AUTS2: variants seen among roughly 807,000 people sequenced by gnomAD.
AUTS2 encodes the protein autism susceptibility gene 2 protein.
AUTS2 carries 17 observed loss-of-function variants against 112.4 expected under a neutral mutation model. The ratio of observed to expected loss-of-function variants is 0.15; its 90% CI spans 0.10 to 0.23. The LOEUF (loss-of-function observed/expected upper bound fraction) is 0.23, where lower values mean the gene tolerates loss of function less well. Among genes scored for constraint, AUTS2 ranks in the 10% least tolerant of loss-of-function variants. The pLI is 1.00. For missense variants in AUTS2, 1,510 were observed against 1,701.6 expected, an observed-to-expected ratio of 0.89 and a Z score of 1.98; for synonymous variants, 751 against 702.7, an observed-to-expected ratio of 1.07 and a Z score of -1.09.
chr7:70,467,833 T>G lies in AUTS2; in HGVS notation c.690+32052T>G, dbSNP rs4718954. Among the ~76,000 whole-genome samples, 952 of 152,332 alleles carry G rather than the reference T, an allele frequency of 6.2e-3. 38 individuals carry two copies. Among genetic ancestry groups the G allele is most frequent in the Admixed American group, 0.049 (749 of 15,292 alleles). On this transcript the variant is annotated intron_variant, in intron 5 of 18. Coordinates refer to ENST00000342771, the MANE Select transcript of AUTS2 (RefSeq NM_015570.4). ...TGTGGTCCGAAGCCAGCACCTCTGA[T>G]AGATTCTTGACATGTGCTGGGCATT... is the stretch of plus-strand genomic sequence containing the variant.
At chr7:70,610,292 C>T (rs1804019195) in intron 5 of AUTS2, among the ~76,000 whole-genome samples, 1 of 152,110 alleles carries the variant, frequency 6.6e-6, no homozygotes, top group Admixed American at 6.6e-5. Context: ...AGCCACCACA[C>T]CCAACCCATA....
At chr7:70,134,646 A>C (rs1044479139) in intron 4 of AUTS2, 75 bp downstream of exon 4, 1 of 1,342,146 alleles carries the variant, frequency 7.5e-7, no homozygotes. Flanking sequence ...GCTCATTGGG[A>C]TATGAAAAAA....
intron 5 of AUTS2, among the ~76,000 whole-genome samples, chr7:70,549,218 C>T (rs537008814): frequency 3.3e-5 from 5 of 152,192 alleles, no homozygotes; most frequent in Non-Finnish European, 7.4e-5. Context: ...GGTCTTCTAT[C>T]GTATGACAGC....
chr7:69,850,160 G>C (rs1311761957), intron 1 of AUTS2, among the ~76,000 whole-genome samples: 1 of 151,452 alleles, frequency 6.6e-6, no homozygotes, highest in African/African-American at 2.4e-5. Flanking sequence ...TTAGCCGGGC[G>C]TAGTGGCATG....
chr7:70,628,857 G>T (rs892225372), intron 5 of AUTS2, among the ~76,000 whole-genome samples: 1 of 152,116 alleles, frequency 6.6e-6, no homozygotes, highest in African/African-American at 2.4e-5. Context: ...TTTCTGAACC[G>T]GGCAGCTGGG....
intron 3 of AUTS2, among the ~76,000 whole-genome samples, chr7:70,128,377 A>T (rs546528886): frequency 1.3e-5 from 2 of 152,208 alleles, no homozygotes; most frequent in South Asian, 2.1e-4. Flanking sequence ...AATAGCTACA[A>T]TTTTTTCTAA....
intron 4 of AUTS2, among the ~76,000 whole-genome samples, chr7:70,237,643 T>A (rs1182190955): frequency 1.3e-5 from 2 of 152,232 alleles, no homozygotes; most frequent in Non-Finnish European, 2.9e-5. Flanking sequence ...ATTTGTTGAT[T>A]GCTTTTTCTC....
At chr7:70,451,564 G>A (rs1291281506) in intron 5 of AUTS2, among the ~76,000 whole-genome samples, 2 of 151,964 alleles carry the variant, frequency 1.3e-5, no homozygotes, top group African/African-American at 4.8e-5. Flanking sequence ...ACATGGTTGT[G>A]CAACCTATGT....
intron 1 of AUTS2, among the ~76,000 whole-genome samples, chr7:69,612,298 A>G (rs1323993385): frequency 2.6e-5 from 4 of 151,952 alleles, no homozygotes; most frequent in Non-Finnish European, 1.5e-5. Context: ...CTGTGACACT[A>G]TGGGCTTCAT....
At chr7:69,609,734 A>G (rs1468553344) in intron 1 of AUTS2, among the ~76,000 whole-genome samples, 2 of 152,228 alleles carry the variant, frequency 1.3e-5, no homozygotes, top group Admixed American at 6.5e-5. Context: ...TCTTCGAGGA[A>G]ATACTTAAAA....
At chr7:70,164,835 T>C (rs1410795834) in intron 4 of AUTS2, among the ~76,000 whole-genome samples, 1 of 151,328 alleles carries the variant, frequency 6.6e-6, no homozygotes, top group African/African-American at 2.4e-5. Context: ...AATTATGACA[T>C]AGACACACTC....
chr7:70,678,095 A>AAAT (rs922394331), intron 5 of AUTS2, among the ~76,000 whole-genome samples: 4 of 151,976 alleles, frequency 2.6e-5, no homozygotes, highest in Middle Eastern at 6.8e-3. Context: ...AAAAATTAAT[A>AAAT]AATAATAATA....
intron 5 of AUTS2, among the ~76,000 whole-genome samples, chr7:70,556,968 T>G (rs569653886): frequency 1.3e-5 from 2 of 152,316 alleles, no homozygotes; most frequent in African/African-American, 2.4e-5. Context: ...CTTGGCTGAC[T>G]TCCTCCTGTG....
intron 5 of AUTS2, among the ~76,000 whole-genome samples, chr7:70,555,319 G>A (rs1801201008): frequency 6.6e-6 from 1 of 152,220 alleles, no homozygotes; most frequent in Admixed American, 6.5e-5. Flanking sequence ...TTGAAAAAAG[G>A]ATTCCAAGAG....
At chr7:70,574,023 G>C (rs925746511) in intron 5 of AUTS2, among the ~76,000 whole-genome samples, 2 of 152,094 alleles carry the variant, frequency 1.3e-5, no homozygotes, top group African/African-American at 4.8e-5. Flanking sequence ...GAGGCCTGGG[G>C]GAGAGGTCAT....
chr7:70,648,834 C>T (rs1322738222), intron 5 of AUTS2, among the ~76,000 whole-genome samples: 2 of 152,110 alleles, frequency 1.3e-5, no homozygotes, highest in Non-Finnish European at 2.9e-5. Flanking sequence ...GATCTGCCTG[C>T]CTTGGCCTCC....
At chr7:69,685,342 T>A (rs765062808) in intron 1 of AUTS2, among the ~76,000 whole-genome samples, 19 of 152,230 alleles carry the variant, frequency 1.2e-4, no homozygotes, top group Non-Finnish European at 1.9e-4. Context: ...CTACTCTGAC[T>A]GGATAGGAGC....
intron 1 of AUTS2, among the ~76,000 whole-genome samples, chr7:69,728,698 T>TC (rs397718157): frequency 1.3e-5 from 2 of 149,966 alleles, no homozygotes; most frequent in African/African-American, 4.9e-5. Flanking sequence ...TTTTTTTTTT[T>TC]AATTTAAACA....
intron 5 of AUTS2, among the ~76,000 whole-genome samples, chr7:70,678,585 G>T (rs1308634023): frequency 6.6e-6 from 1 of 152,206 alleles, no homozygotes; most frequent in Non-Finnish European, 1.5e-5. Context: ...GGTACAGTAT[G>T]TTTTCCATTC....
Sources: gnomAD v4.1 joint callset for allele counts (sites outside exome capture counted in the v4.1 genomes callset) on GRCh38, gnomAD v4.1.1 for gene constraint, MANE v1.5 for transcripts, NCBI Gene and HGNC (gene_info 2026-07-23, HGNC 2026-07-21) for gene names.